Variants in RAD51B observed in about 807,000 individuals in gnomAD.
The protein encoded by RAD51B is DNA repair protein RAD51 homolog 2.
RAD51B carries 38 observed loss-of-function variants against 42.2 expected under a neutral mutation model. The observed-to-expected ratio is 0.90, with a 90% CI of 0.70 to 1.18. RAD51B has a LOEUF of 1.18. Among genes scored for constraint, RAD51B ranks in the 50% most tolerant of loss-of-function variants. RAD51B has a pLI of 0.00. For synonymous variants in RAD51B, 154 were observed against 145.2 expected (o/e 1.06, Z -0.43); for missense variants, 373 against 400.7 (o/e 0.93, Z 0.59).
intron 8 of RAD51B, among the ~76,000 whole-genome samples, chr14:68,383,125 T>C (rs2083516426): frequency 6.6e-6 from 1 of 152,232 alleles, no homozygotes; most frequent in Admixed American, 6.5e-5. Flanking sequence ...TTCCTTTCAG[T>C]ATTTTTAATC....
chr14:68,065,726 G>A (rs2076639947), intron 7 of RAD51B, among the ~76,000 whole-genome samples: 2 of 152,106 alleles, frequency 1.3e-5, no homozygotes, highest in Admixed American at 1.3e-4. Flanking sequence ...CAACCCTTGG[G>A]ATGGGGAATA....
intron 8 of RAD51B, among the ~76,000 whole-genome samples, chr14:68,333,301 C>A (rs2082384878): frequency 2.0e-5 from 3 of 152,112 alleles, no homozygotes; most frequent in Admixed American, 6.5e-5. Context: ...GAAACCTGGG[C>A]ATTCAACTTT....
At chr14:68,246,969 CT>C (rs2080512091) in intron 7 of RAD51B, among the ~76,000 whole-genome samples, 1 of 152,196 alleles carries the variant, frequency 6.6e-6, no homozygotes, top group African/African-American at 2.4e-5. Flanking sequence ...TCACTTAATG[CT>C]GTCTTTTCTA....
chr14:68,266,081 G>A (rs1489385812), intron 7 of RAD51B, among the ~76,000 whole-genome samples: 2 of 152,184 alleles, frequency 1.3e-5, no homozygotes, highest in Admixed American at 6.5e-5. Context: ...GCAAGTGATT[G>A]GTGTTTGCAC....
intron 10 of RAD51B, chr14:68,540,116 C>A: frequency 1.1e-6 from 1 of 912,616 alleles, no homozygotes; most frequent in South Asian, 5.2e-5. Flanking sequence ...GCTGCCCATG[C>A]TCAGCCCCTT....
intron 10 of RAD51B, among the ~76,000 whole-genome samples, chr14:68,520,020 T>C (rs138846554): frequency 6.6e-6 from 1 of 152,346 alleles, no homozygotes; most frequent in East Asian, 1.9e-4. Context: ...GGGAGTGGTT[T>C]AGACGGGGAC....
chr14:68,009,618 A>G (rs891263480), intron 7 of RAD51B, among the ~76,000 whole-genome samples: 2 of 152,010 alleles, frequency 1.3e-5, no homozygotes, highest in Middle Eastern at 3.4e-3. Context: ...ACTTCTTCCA[A>G]CATGAATATC....
intron 10 of RAD51B, among the ~76,000 whole-genome samples, chr14:68,503,300 A>G (rs1885048169): frequency 6.6e-6 from 1 of 152,168 alleles, no homozygotes; most frequent in Non-Finnish European, 1.5e-5. Context: ...AGAAATTGAC[A>G]TGAGAACATT....
rs11846320 is a variant in RAD51B, at chr14:68,454,127, A to G, written c.958-14045A>G. Among the ~76,000 whole-genome samples, 478 of 152,360 alleles carry G rather than the reference A, an allele frequency of 3.1e-3. 4 individuals are homozygous for G. The highest frequency in any genetic ancestry group is 0.011 in the African/African-American group (451 of 41,580). On this transcript the variant is annotated intron_variant, in intron 9 of 10. Transcript: ENST00000471583. ...AAAGTGAAATCATTTGCTGTTTTCA[A>G]TTTTATGTGTAAACATTAAGTTGAT...
chr14:67,881,170 C>T (rs2042894834), intron 5 of RAD51B, among the ~76,000 whole-genome samples: 1 of 152,106 alleles, frequency 6.6e-6, no homozygotes, highest in African/African-American at 2.4e-5. Flanking sequence ...CTTATGGGAC[C>T]ACTGTTGTAT....
chr14:67,893,493 C>CA (rs1566945246), intron 7 of RAD51B, among the ~76,000 whole-genome samples: 2 of 81,192 alleles, frequency 2.5e-5, no homozygotes, highest in African/African-American at 1.2e-4. Context: ...CACACACACA[C>CA]ACACACACAC....
intron 7 of RAD51B, among the ~76,000 whole-genome samples, chr14:68,233,156 A>G (rs955319766): frequency 1.3e-5 from 2 of 152,242 alleles, no homozygotes; most frequent in Admixed American, 6.5e-5. Flanking sequence ...TTTAGACAGT[A>G]GAATTTCATT....
chr14:68,567,712 G>A (rs1358271708), intron 10 of RAD51B, among the ~76,000 whole-genome samples: 3 of 152,142 alleles, frequency 2.0e-5, no homozygotes, highest in Non-Finnish European at 2.9e-5. Flanking sequence ...CCTTCCTCAC[G>A]AAGTCTTTCC....
intron 7 of RAD51B, among the ~76,000 whole-genome samples, chr14:68,117,146 A>C (rs1339105109): frequency 6.6e-6 from 1 of 152,218 alleles, no homozygotes; most frequent in African/African-American, 2.4e-5. Flanking sequence ...AAATAAAGAA[A>C]TAAAATGCTT....
intron 8 of RAD51B, among the ~76,000 whole-genome samples, chr14:68,302,492 T>G (rs111666926): frequency 6.6e-6 from 1 of 151,534 alleles, no homozygotes; most frequent in South Asian, 2.1e-4. Context: ...CGTCATGGAA[T>G]CCAGGCAGGG....
intron 7 of RAD51B, among the ~76,000 whole-genome samples, chr14:67,919,727 T>A (rs925701426): frequency 6.6e-6 from 1 of 152,232 alleles, no homozygotes. Flanking sequence ...CTTGTTAATC[T>A]GCCTTCTGTT....
intron 7 of RAD51B, among the ~76,000 whole-genome samples, chr14:67,932,045 T>TG (rs1422559712): frequency 6.6e-6 from 1 of 152,226 alleles, no homozygotes; most frequent in East Asian, 1.9e-4. Flanking sequence ...TATGTGATGC[T>TG]GGAGTTTGGA....
chr14:67,925,192 C>T (rs111311643), intron 7 of RAD51B, among the ~76,000 whole-genome samples: 1 of 152,174 alleles, frequency 6.6e-6, no homozygotes, highest in Non-Finnish European at 1.5e-5. Flanking sequence ...GTACAGCCCC[C>T]CTCCTAGCTG....
At chr14:67,881,121 T>C (rs1224739554) in intron 5 of RAD51B, among the ~76,000 whole-genome samples, 4 of 152,204 alleles carry the variant, frequency 2.6e-5, no homozygotes, top group African/African-American at 7.2e-5. Context: ...TTTGTGTATC[T>C]AAACAAAGGA....
Sources: allele counts gnomAD v4.1 joint callset (sites outside exome capture counted in the v4.1 genomes callset), GRCh38; gene constraint gnomAD v4.1.1; transcripts MANE v1.5; gene names NCBI Gene and HGNC (gene_info 2026-07-23, HGNC 2026-07-21).